The following AIRE variants were observed in gnomAD, a reference collection of about 807,000 sequenced individuals.
The protein encoded by AIRE is autoimmune polyendocrinopathy candidiasis ectodermal dystrophy protein.
AIRE carries 52 observed loss-of-function variants against 62.1 expected under a neutral mutation model. That is an observed-to-expected ratio of 0.84 (90% confidence interval 0.67 to 1.06). The LOEUF (loss-of-function observed/expected upper bound fraction) is 1.06. Ranked by LOEUF, AIRE falls within the 50% of genes least tolerant of loss-of-function variation. The pLI is 0.00. For missense variants in AIRE, 774 were observed against 755.8 expected, an observed-to-expected ratio of 1.02 and a Z score of -0.28; for synonymous variants, 342 against 321.6, an observed-to-expected ratio of 1.06 and a Z score of -0.68.
In AIRE at chr21:44,294,478, C is replaced by T. The variant is rs1250312097; in HGVS notation, c.1478C>T (p.Ala493Val). The stretch of plus-strand genomic sequence containing the variant: ...GAGGGGGTGCTGGCCCCCAGCCCCG[C>T]CCGCCTGGCCCCTGGGCCTGCCAAG... ...PVEGVLAPSPARLAPGPAKDD... is the reference protein window; with the variant it reads ...PVEGVLAPSPVRLAPGPAKDD... Residue 493 changes from alanine (A) to valine (V), a missense_variant, in exon 12 of 14, where the codon GCC (alanine) becomes GTC (valine). Around this residue, in one of 3 missense-constraint regions of AIRE, gnomAD observed 354 missense variants for 296.1 expected, o/e 1.20. Transcript: ENST00000291582. 1.3e-6 allele frequency: 2 copies of T among 1,533,670 alleles called. No individual in the cohort carries two copies. The highest frequency in any genetic ancestry group is 1.7e-6 in the Non-Finnish European group (2 of 1,145,562).
intron 12 of AIRE, among the ~76,000 whole-genome samples, chr21:44,296,126 G>A (rs1017361611): frequency 2.6e-5 from 4 of 152,114 alleles, no homozygotes; most frequent in East Asian, 1.9e-4. Context: ...GAGCTCCCTC[G>A]TTTTCCCCAG....
chr21:44,293,295 G>C (rs983053321), intron 10 of AIRE, 120 bp downstream of exon 10: 2 of 1,033,682 alleles, frequency 1.9e-6, no homozygotes, highest in African/African-American at 3.3e-5. Context: ...GGGAGGCACA[G>C]GGCCTGGGGC....
chr21:44,293,769 C>A lies in AIRE; in HGVS notation c.1279-20C>A. 6.3e-7 allele frequency: 1 copy of A among 1,595,792 alleles called. No homozygotes were observed. Among genetic ancestry groups the A allele is most frequent in the Non-Finnish European group, 8.5e-7 (1 of 1,179,422 alleles). On this transcript the variant is annotated intron_variant, in intron 10 of 13. Transcript: ENST00000291582. ...TTTCCCCCGGCCCCCCGCGTCACCC[C>A]GCGCTGTTGCCTCCCACAGAACCTG...
rs1287851004 is a variant in AIRE at position 44,289,981 on chromosome 21, C to T, written c.799-7C>T. 20 of 1,610,562 alleles carry T rather than the reference C, an allele frequency of 1.2e-5. No individual in the cohort carries two copies. Among genetic ancestry groups the T allele is most frequent in the South Asian group, 8.8e-5 (8 of 90,734 alleles). ...GCCCCCATTGCTGACGCCCCTCTTC[C>T]TTGCAGGGTGGAGGTGAGGCTAGGC... On this transcript the variant is annotated splice_region_variant and splice_polypyrimidine_tract_variant and intron_variant, in intron 6 of 13. Coordinates refer to ENST00000291582, the MANE Select transcript of AIRE (RefSeq NM_000383.4).
intron 12 of AIRE, 107 bp downstream of exon 12, chr21:44,294,610 G>A (rs934560536): frequency 1.5e-5 from 8 of 523,924 alleles, no homozygotes; most frequent in African/African-American, 3.9e-5. Flanking sequence ...TGCCAGCTTC[G>A]AGGGCTTGCA....
Position 44,287,552 on chromosome 21 carries a change from G to GAGAGCAGCGC in AIRE, c.508_517dup (p.Gln173ArgfsTer47), listed in dbSNP as rs1179261094. On this transcript the variant is annotated frameshift_variant, in exon 4 of 14. Coordinates refer to ENST00000291582, the MANE Select transcript of AIRE (RefSeq NM_000383.4). LOFTEE classifies it high-confidence loss of function. The surrounding 1 kb of genome is among the most constrained non-coding windows in gnomAD (Gnocchi z 4.3). ...GAAGGCCAAGCCCCCCAAGAAGCCG[G>GAGAGCAGCGC]AGAGCAGCGCAGAGCAGCAGCGCCT... is the stretch of plus-strand genomic sequence containing the variant. 1 of 1,559,524 alleles carries GAGAGCAGCGC rather than the reference G, an allele frequency of 6.4e-7. No individual in the cohort carries two copies. Among genetic ancestry groups the GAGAGCAGCGC allele is most frequent in the Non-Finnish European group, 8.7e-7 (1 of 1,151,902 alleles).
rs1164292475 is a variant in AIRE at position 44,297,632 on chromosome 21, T to A, written c.1567-24T>A. 1.3e-6 allele frequency: 2 copies of A among 1,599,068 alleles called. No individual in the cohort carries two copies. Among genetic ancestry groups the A allele is most frequent in the African/African-American group, 2.7e-5 (2 of 74,498 alleles). On this transcript the variant is annotated intron_variant, in intron 13 of 13. Coordinates refer to ENST00000291582, the MANE Select transcript of AIRE (RefSeq NM_000383.4). The surrounding 1 kb of genome is among the most constrained non-coding windows in gnomAD (Gnocchi z 4.8). ...CTGCGGCGGGGGCGCACCTGGAGGT[T>A]CTCACCGTCACTCTGTCCCGCAGCA...
intron 4 of AIRE, 25 bp from the exon 5 acceptor site, chr21:44,288,320 C>G: frequency 6.5e-7 from 1 of 1,532,788 alleles, no homozygotes. Flanking sequence ...CCACGGGTGA[C>G]CCCAATGGGT....
intron 7 of AIRE, chr21:44,290,647 T>A: frequency 9.0e-7 from 1 of 1,113,656 alleles, no homozygotes; most frequent in South Asian, 1.4e-5. Context: ...TCTGGGGGGA[T>A]TCTGGAGGAA....
At position 44,294,412 on chromosome 21, in the gene AIRE, G is replaced by C. The variant is rs373237600; in HGVS notation, c.1412G>C (p.Arg471Pro). 6.3e-7 allele frequency: 1 copy of C among 1,575,444 alleles called. No individual in the cohort carries two copies. Among genetic ancestry groups the C allele is most frequent in the Non-Finnish European group, 8.6e-7 (1 of 1,168,606 alleles). ...AGTSRPGTGL[R>P]CRSCSGDVTP... Reference sequence around the variant, plus strand: ...ATCCTCTGCTGCAGGACGGGCCTGCGCTGCAGATCCTGCTCAGGAGACGTG... The same window carrying C: ...ATCCTCTGCTGCAGGACGGGCCTGCCCTGCAGATCCTGCTCAGGAGACGTG... The change falls in exon 12 of 14, where the codon CGC (arginine) becomes CCC (proline). Residue 471 changes from arginine (R) to proline (P), a missense_variant. Coordinates refer to ENST00000291582, the MANE Select transcript of AIRE (RefSeq NM_000383.4).
rs554591629 is a variant in AIRE, at chr21:44,292,354, C to T, written c.1048C>T (p.Pro350Ser). ...CLQATVQEVQPRAEEPRPQEP... is the reference protein window; with the variant it reads ...CLQATVQEVQSRAEEPRPQEP... ...GCAGGCAACAGTCCAGGAGGTGCAGCCCCGGGCAGAGGAGCCCCGGCCCCA... is the reference window on the plus strand; with the variant it reads ...GCAGGCAACAGTCCAGGAGGTGCAGTCCCGGGCAGAGGAGCCCCGGCCCCA... Residue 350 changes from proline (P) to serine (S), a missense_variant, in exon 9 of 14, where the codon CCC (proline) becomes TCC (serine). By Grantham distance (74) the Pro-to-Ser change is moderately conservative. Around this residue, in one of 3 missense-constraint regions of AIRE, gnomAD observed 354 missense variants for 296.1 expected, o/e 1.20. Coordinates refer to ENST00000291582, the MANE Select transcript of AIRE (RefSeq NM_000383.4). 1.4e-5 allele frequency: 22 copies of T among 1,573,518 alleles called. No homozygotes were observed. In the Admixed American group the frequency reaches 3.1e-4, roughly 22 times the overall value.
rs777407927 is a variant in AIRE at position 44,290,938 on chromosome 21, C to A, written c.880-157C>A. On this transcript the variant is annotated intron_variant, in intron 7 of 13. Transcript: ENST00000291582. ...ATGGATGGGGAACAGGTGGTCAGGG[C>A]AGAATTTCAGGCCCTGGCAGCATGG... 6 of 1,611,956 alleles carry A rather than the reference C, an allele frequency of 3.7e-6. No individual in the cohort carries two copies. The East Asian group carries it at 1.1e-4, about 30-fold the overall frequency.
Position 44,286,848 on chromosome 21 carries a change from ACCGTCTTGGAT to A in AIRE, c.307+120_308-117del. On this transcript the variant is annotated intron_variant, in intron 2 of 13. Coordinates refer to ENST00000291582, the MANE Select transcript of AIRE (RefSeq NM_000383.4). This position sits in a 1 kb window ranked among gnomAD's most constrained non-coding sequence, Gnocchi z 6.0. ...AGGAGCCCGTGGGTGATGTTCCAGG[ACCGTCTTGGAT>A]CCTAAGAGGCAAAGGGGCCAGGCCT... is the stretch of plus-strand genomic sequence containing the variant. The A allele has an allele frequency of 6.4e-7, 1 of 1,564,060 alleles. No individual in the cohort carries two copies. The highest frequency in any genetic ancestry group is 8.8e-7 in the Non-Finnish European group (1 of 1,140,896).
intron 5 of AIRE, 165 bp from the exon 6 acceptor site, chr21:44,289,492 G>GTGGTCGCCGTATCATTAAAAAAAA: frequency 1.3e-6 from 1 of 763,384 alleles, no homozygotes. Context: ...GTAGATCCAG[G>GTGGTCGCCGTATCATTAAAAAAAA]ACAATCCCCG....
At position 44,296,460 on chromosome 21, in the gene AIRE, G is replaced by A. The variant is rs2040609241; in HGVS notation, c.1566+15G>A. The A allele has an allele frequency of 6.2e-7, 1 of 1,610,174 alleles. No homozygotes were observed. The highest frequency in any genetic ancestry group is 2.2e-5 in the East Asian group (1 of 44,876). On this transcript the variant is annotated intron_variant, in intron 13 of 13. Transcript: ENST00000291582. ...TTCTGAGCGAGGTAACGCCTCCCCT[G>A]GCCTCCTGGTGCTCCTCCACTCCCC...
rs1372044313 is a variant in AIRE, at chr21:44,286,568, T to G, written c.144T>G (p.His48Gln). 3 of 1,610,420 alleles carry G rather than the reference T, an allele frequency of 1.9e-6. No individual in the cohort carries two copies. Among genetic ancestry groups the G allele is most frequent in the Non-Finnish European group, 2.5e-6 (3 of 1,178,340 alleles). Reference sequence around the variant, plus strand: ...CCACCCCACTGCAGGAGACGCTTCATCTGAAGGAAAAGGAGGGCTGCCCCC... The same window carrying G: ...CCACCCCACTGCAGGAGACGCTTCAGCTGAAGGAAAAGGAGGGCTGCCCCC... ...VPEDKFQETL[H>Q]LKEKEGCPQA... Residue 48 changes from histidine to glutamine, a missense_variant, in exon 2 of 14, where the codon CAT (histidine) becomes CAG (glutamine). This residue lies in a region of AIRE where 385 missense variants were observed against 396.0 expected (regional missense o/e 0.97). Coordinates refer to ENST00000291582, the MANE Select transcript of AIRE (RefSeq NM_000383.4). The surrounding 1 kb of genome is among the most constrained non-coding windows in gnomAD (Gnocchi z 6.0).
rs2040535317 is a variant in AIRE, at chr21:44,291,154, C to T, written c.939C>T (p.Gly313=). The part of the protein sequence containing the change: ...RDGGELICCD[G]CPRAFHLACL... The stretch of plus-strand genomic sequence containing the variant: ...GCGGGGAGCTCATCTGCTGTGACGG[C>T]TGCCCTCGGGCCTTCCACCTGGCCT... Residue 313 remains glycine, a synonymous_variant, in exon 8 of 14, where the codon GGC becomes GGT. Coordinates refer to ENST00000291582, the MANE Select transcript of AIRE (RefSeq NM_000383.4). The T allele has an allele frequency of 1.9e-6, 3 of 1,609,988 alleles. No homozygotes were observed. The highest frequency in any genetic ancestry group is 1.3e-5 in the African/African-American group (1 of 74,888).
Position 44,287,567 on chromosome 21 carries a change from C to T in AIRE, c.514C>T (p.Gln172Ter). 6.4e-7 allele frequency: 1 copy of T among 1,558,880 alleles called. No homozygotes were observed. Among genetic ancestry groups the T allele is most frequent in the Non-Finnish European group, 8.7e-7 (1 of 1,151,444 alleles). The change falls in exon 4 of 14, where the codon CAG (glutamine) becomes TAG (stop). Residue 172 changes from glutamine (Q) to a stop codon, truncating the protein, a stop_gained. Coordinates refer to ENST00000291582, the MANE Select transcript of AIRE (RefSeq NM_000383.4). LOFTEE classifies it high-confidence loss of function. This position sits in a 1 kb window ranked among gnomAD's most constrained non-coding sequence, Gnocchi z 4.3. ...CAAGAAGCCGGAGAGCAGCGCAGAG[C>T]AGCAGCGCCTTCCACTCGGGAACGG... ...PPKKPESSAE[Q>*]QRLPLGNGIQ...
rs768749723 is a variant in AIRE at position 44,297,668 on chromosome 21, G to A, written c.1579G>A (p.Gly527Ser). 3.1e-6 allele frequency: 5 copies of A among 1,612,168 alleles called. No homozygotes were observed. Among genetic ancestry groups the A allele is most frequent in the East Asian group, 4.5e-5 (2 of 44,870 alleles). Residue 527 changes from glycine (G) to serine (S), a missense_variant, in exon 14 of 14, where the codon GGC becomes AGC. This residue lies in a region of AIRE where 354 missense variants were observed against 296.1 expected (regional missense o/e 1.20). Transcript: ENST00000291582. The surrounding 1 kb of genome is among the most constrained non-coding windows in gnomAD (Gnocchi z 4.8). ...CTCTGTCCCGCAGCACACCTTCGATGGCATCCTGCAGTGGGCCATCCAGAG... is the reference window on the plus strand; with the variant it reads ...CTCTGTCCCGCAGCACACCTTCGATAGCATCCTGCAGTGGGCCATCCAGAG... ...ESLLSEHTFD[G>S]ILQWAIQSMA...
Sources: gnomAD v4.1 joint callset for allele counts (sites outside exome capture counted in the v4.1 genomes callset) on GRCh38, gnomAD v4.1.1 for gene constraint, gnomAD v4.1.1 regional missense constraint, Gnocchi (gnomAD v3.1) non-coding constraint, MANE v1.5 for transcripts, NCBI Gene and HGNC (gene_info 2026-07-23, HGNC 2026-07-21) for gene names.